Variants in ITGA11 observed in about 807,000 individuals in gnomAD.
ITGA11 encodes the protein integrin subunit alpha 11.
Under a neutral mutation model 141.9 loss-of-function variants are expected in ITGA11, and 97 were observed. The ratio of observed to expected loss-of-function variants is 0.68; its 90% CI spans 0.58 to 0.81. The LOEUF (loss-of-function observed/expected upper bound fraction) is 0.81. ITGA11 is among the 30% of genes least tolerant of loss of function. The probability of loss-of-function intolerance (pLI) is 0.00; values close to 1 mark genes in which losing one functional copy is unlikely to be tolerated. For missense variants in ITGA11, 1,387 were observed against 1,559.2 expected (o/e 0.89, Z 1.86); for synonymous variants, 658 against 624.6 (o/e 1.05, Z -0.80).
intron 1 of ITGA11, among the ~76,000 whole-genome samples, chr15:68,426,031 A>T (rs531966109): frequency 6.6e-6 from 1 of 152,350 alleles, no homozygotes; most frequent in African/African-American, 2.4e-5. Context: ...GAGGCTGCCC[A>T]TCAGCAACAA....
At chr15:68,395,837 G>A (rs539789008) in intron 2 of ITGA11, among the ~76,000 whole-genome samples, 85 of 146,854 alleles carry the variant, frequency 5.8e-4, no homozygotes, top group Non-Finnish European at 9.1e-4. Flanking sequence ...AAAACTGCAC[G>A]TTGTGCACAT....
At chr15:68,352,252 G>A (rs1894938353) in intron 7 of ITGA11, among the ~76,000 whole-genome samples, 1 of 150,366 alleles carries the variant, frequency 6.7e-6, no homozygotes, top group African/African-American at 2.4e-5. Context: ...GAGTGCGGTG[G>A]CACAATCTCA....
At position 68,320,263 on chromosome 15, in the gene ITGA11, G is replaced by A. The variant is rs1170875141; in HGVS notation, c.2538C>T (p.Asn846=). Residue 846 remains asparagine, a synonymous_variant, in exon 20 of 30, where the codon AAC becomes AAT. Coordinates refer to ENST00000315757, the MANE Select transcript of ITGA11 (RefSeq NM_001004439.2). The stretch of plus-strand genomic sequence containing the variant: ...CCGTGCTGTAGGCGTTCTCGCCCCT[G>A]TTCTCCAGTGTGGCCTCCACCGCCA... ...QRVAVEATLE[N]RGENAYSTVL... is the part of the protein sequence containing the mutation. 4 of 1,614,042 alleles carry A rather than the reference G, an allele frequency of 2.5e-6. No individual in the cohort carries two copies. The East Asian group carries it at 8.9e-5, about 36-fold the overall frequency.
chr15:68,334,475 C>T (rs1894281401), intron 12 of ITGA11, among the ~76,000 whole-genome samples: 1 of 152,356 alleles, frequency 6.6e-6, no homozygotes, highest in Middle Eastern at 3.4e-3. Flanking sequence ...CCCCGTCCAT[C>T]TCTGGCTTAG....
At chr15:68,410,741 G>A (rs1440431995) in intron 1 of ITGA11, among the ~76,000 whole-genome samples, 1 of 152,158 alleles carries the variant, frequency 6.6e-6, no homozygotes, top group Non-Finnish European at 1.5e-5. Flanking sequence ...GAGCATTGCT[G>A]GAGGCCCAAG....
At chr15:68,361,133 AT>A (rs1489931636) in intron 5 of ITGA11, among the ~76,000 whole-genome samples, 1 of 152,142 alleles carries the variant, frequency 6.6e-6, no homozygotes, top group African/African-American at 2.4e-5. Context: ...AGGAGCACTG[AT>A]TTGGTGGAAC....
rs570080109 is a variant in ITGA11 at position 68,421,316 on chromosome 15, C to T, written c.52+10699G>A. ...GGTGCCTGATGTGTTTGAAGAACAG[C>T]CCGGAGGCCCCAGGGGTGGAGCGGA... On this transcript the variant is annotated intron_variant, in intron 1 of 29. Transcript: ENST00000315757. Among the ~76,000 whole-genome samples the T allele has an allele frequency of 3.4e-4, 48 of 142,038 alleles. 1 individual carries two copies. The highest frequency in any genetic ancestry group is 1.1e-3 in the African/African-American group (38 of 34,460). The allele number at this position is 142,038 out of a possible 152,430, so 93.2% of individuals were successfully genotyped here. A position where few individuals can be genotyped will look rare whatever the true frequency, so the allele number is the denominator to read the frequency against.
intron 3 of ITGA11, 93 bp from the exon 4 acceptor site, chr15:68,364,891 C>T (rs1199521597): frequency 2.2e-5 from 27 of 1,224,536 alleles, no homozygotes; most frequent in South Asian, 1.9e-4. Context: ...GGTGCCTCCC[C>T]GATTCTCCCT....
intron 4 of ITGA11, among the ~76,000 whole-genome samples, chr15:68,364,337 A>G (rs1475631928): frequency 2.6e-5 from 4 of 152,172 alleles, no homozygotes; most frequent in African/African-American, 9.7e-5. Context: ...TTTGACCTCC[A>G]GCCCAGACAA....
At chr15:68,353,980 C>T (rs969938729) in intron 7 of ITGA11, among the ~76,000 whole-genome samples, 2 of 152,074 alleles carry the variant, frequency 1.3e-5, no homozygotes, top group Non-Finnish European at 2.9e-5. Context: ...GAGCTGTTCC[C>T]TCCCAGCCAT....
At chr15:68,375,346 C>T (rs182029261) in intron 2 of ITGA11, among the ~76,000 whole-genome samples, 8 of 152,348 alleles carry the variant, frequency 5.3e-5, no homozygotes, top group Admixed American at 5.2e-4. Flanking sequence ...GAGATTATTC[C>T]TTTAGTGAGG....
At chr15:68,431,765 A>G (rs1205547881) in intron 1 of ITGA11, among the ~76,000 whole-genome samples, 1 of 152,192 alleles carries the variant, frequency 6.6e-6, no homozygotes, top group Non-Finnish European at 1.5e-5. Context: ...TTTTCAACTC[A>G]AGCCTCTTCA....
intron 7 of ITGA11, among the ~76,000 whole-genome samples, chr15:68,351,813 T>C (rs544108978): frequency 5.3e-5 from 8 of 152,016 alleles, no homozygotes; most frequent in Non-Finnish European, 1.2e-4. Flanking sequence ...CCTGGCACGG[T>C]GGCTCACGCC....
Position 68,312,435 on chromosome 15 carries a change from C to T in ITGA11, c.2973+338G>A, listed in dbSNP as rs74023109. On this transcript the variant is annotated intron_variant, in intron 24 of 29. Coordinates refer to ENST00000315757, the MANE Select transcript of ITGA11 (RefSeq NM_001004439.2). ...TGAGGATGGTGGAATAGAAGACCCA[C>T]TCCTGAATGACTTTGTGAAGCTGCC... is the stretch of plus-strand genomic sequence containing the variant. Among the ~76,000 whole-genome samples, 1,267 of 152,308 alleles carry T rather than the reference C, an allele frequency of 8.3e-3. 12 individuals carry two copies. Among genetic ancestry groups the T allele is most frequent in the African/African-American group, 0.027 (1,136 of 41,558 alleles).
chr15:68,362,290 A>G (rs1895268396), intron 4 of ITGA11, among the ~76,000 whole-genome samples: 1 of 152,224 alleles, frequency 6.6e-6, no homozygotes, highest in Non-Finnish European at 1.5e-5. Context: ...ATTGTCATTA[A>G]AAATGAAAGC....
At chr15:68,334,910 C>T (rs1444420530) in intron 12 of ITGA11, among the ~76,000 whole-genome samples, 1 of 152,028 alleles carries the variant, frequency 6.6e-6, no homozygotes, top group East Asian at 1.9e-4. Context: ...CCTGGGATGG[C>T]CTGCACCCAA....
intron 2 of ITGA11, among the ~76,000 whole-genome samples, chr15:68,376,215 A>T (rs1203994430): frequency 7.9e-6 from 1 of 126,118 alleles, no homozygotes; most frequent in Non-Finnish European, 1.6e-5. Flanking sequence ...AGATCACCTC[A>T]TTGTTCTCCT....
At chr15:68,332,134 AG>A (rs1410908467) in intron 13 of ITGA11, 72 bp from the exon 14 acceptor site, 5 of 1,371,814 alleles carry the variant, frequency 3.6e-6, no homozygotes, top group Non-Finnish European at 5.1e-6. Flanking sequence ...TTCCCTCTGC[AG>A]GCTGCTCCGG....
rs768470444 is a variant in ITGA11 at position 68,317,240 on chromosome 15, C to T, written c.2715+25G>A. The T allele has an allele frequency of 6.1e-6, 9 of 1,482,738 alleles. No individual in the cohort carries two copies. The Admixed American group carries it at 1.2e-4, about 19-fold the overall frequency. 91.8% of individuals were successfully genotyped at this position (1,482,738 alleles called of 1,614,324 possible). Reference sequence around the variant, plus strand: ...GCCTCCCAGTGCCCACCCTGACCCTCCCCCACATTGTCCCCAGTCTCAACC... The same window carrying T: ...GCCTCCCAGTGCCCACCCTGACCCTTCCCCACATTGTCCCCAGTCTCAACC... On this transcript the variant is annotated intron_variant, in intron 21 of 29. Coordinates refer to ENST00000315757, the MANE Select transcript of ITGA11 (RefSeq NM_001004439.2).
Sources: gnomAD v4.1 joint callset for allele counts (sites outside exome capture counted in the v4.1 genomes callset) on GRCh38, gnomAD v4.1.1 for gene constraint, MANE v1.5 for transcripts, NCBI Gene and HGNC (gene_info 2026-07-23, HGNC 2026-07-21) for gene names.